The following PRR16 variants were observed in gnomAD, a reference collection of about 807,000 sequenced individuals.
PRR16 encodes protein Largen.
PRR16 carries 6 observed loss-of-function variants against 18.2 expected under a neutral mutation model. That is an observed-to-expected ratio of 0.33 (90% CI 0.18 to 0.65). PRR16 has a LOEUF of 0.65. PRR16 is among the 30% of genes least tolerant of loss of function. The pLI is 0.74. For missense variants in PRR16, 412 were observed against 376.6 expected (o/e 1.09, Z -0.78); for synonymous variants, 151 against 147.8 (o/e 1.02, Z -0.16).
chr5:120,539,417 G>A (rs1460642800), intron 1 of PRR16, among the ~76,000 whole-genome samples: 1 of 151,688 alleles, frequency 6.6e-6, no homozygotes, highest in Non-Finnish European at 1.5e-5. Flanking sequence ...TTTTAATATA[G>A]ATTTTATTCT....
intron 1 of PRR16, among the ~76,000 whole-genome samples, chr5:120,532,645 G>A (rs969791615): frequency 6.6e-6 from 1 of 151,826 alleles, no homozygotes; most frequent in Non-Finnish European, 1.5e-5. Flanking sequence ...TTGCACTGAA[G>A]GATCTTAGAA....
rs1757137463 is a variant in PRR16, at chr5:120,686,645, C to T, written c.851C>T (p.Pro284Leu). Residue 284 changes from proline (P) to leucine (L), a missense_variant, in exon 2 of 2, where the codon CCT becomes CTT. Physicochemically the swap from Pro to Leu is moderately conservative, Grantham distance 98. Transcript: ENST00000407149. Reference sequence around the variant, plus strand: ...CCCCCTATCAGACCTGCAACTGTGCCTCCTCCCACTGCACCAAAACCACAG... The same window carrying T: ...CCCCCTATCAGACCTGCAACTGTGCTTCCTCCCACTGCACCAAAACCACAG... Reference protein sequence around the residue: ...SFPPIRPATVPPPTAPKPQKT... With the variant: ...SFPPIRPATVLPPTAPKPQKT... 3.8e-6 allele frequency: 6 copies of T among 1,596,112 alleles called. No homozygotes were observed. Among genetic ancestry groups the T allele is most frequent in the Non-Finnish European group, 5.1e-6 (6 of 1,169,704 alleles).
chr5:120,541,615 C>T (rs566406559), intron 1 of PRR16, among the ~76,000 whole-genome samples: 4 of 152,252 alleles, frequency 2.6e-5, no homozygotes, highest in African/African-American at 4.8e-5. Flanking sequence ...ACAGCAGATT[C>T]GGGCTTTAAA....
intron 1 of PRR16, among the ~76,000 whole-genome samples, chr5:120,677,905 CTTTTT>C (rs386404833): frequency 3.2e-4 from 30 of 93,218 alleles, no homozygotes; most frequent in Admixed American, 2.7e-3. Flanking sequence ...CTTTTTCTTT[CTTTTT>C]TTTTTTTTTT....
At chr5:120,671,178 C>T (rs1204492580) in intron 1 of PRR16, among the ~76,000 whole-genome samples, 2 of 152,094 alleles carry the variant, frequency 1.3e-5, no homozygotes, top group African/African-American at 2.4e-5. Context: ...CTAGAACTCT[C>T]ATTTAATTTT....
chr5:120,685,124 G>A (rs1044770566), intron 1 of PRR16, among the ~76,000 whole-genome samples: 1 of 152,168 alleles, frequency 6.6e-6, no homozygotes, highest in African/African-American at 2.4e-5. Flanking sequence ...ACAGGTTGGA[G>A]GGTTTCTTGC....
At chr5:120,581,847 G>C (rs540027362) in intron 1 of PRR16, among the ~76,000 whole-genome samples, 1 of 152,166 alleles carries the variant, frequency 6.6e-6, no homozygotes, top group South Asian at 2.1e-4. Flanking sequence ...TCTTAATCTT[G>C]AGTTCTAATA....
chr5:120,642,519 A>T (rs867819531), intron 1 of PRR16, among the ~76,000 whole-genome samples: 3 of 152,176 alleles, frequency 2.0e-5, no homozygotes, highest in Admixed American at 6.6e-5. Context: ...TGTATAAAAA[A>T]ATGTATAAAC....
the PRR16 span, among the ~76,000 whole-genome samples, chr5:120,750,938 A>G: frequency 1.1e-4 from 16 of 151,548 alleles, 1 homozygote; most frequent in Admixed American, 1.1e-3. Context: ...TTTATCCCCT[A>G]CTCCCTACCA....
the PRR16 span, among the ~76,000 whole-genome samples, chr5:120,707,651 T>C: frequency 9.8e-5 from 15 of 152,316 alleles, no homozygotes; most frequent in Middle Eastern, 3.4e-3. Flanking sequence ...ATTTATGACA[T>C]AGCTCTAGGA....
chr5:120,665,417 C>A (rs1022618162), intron 1 of PRR16, among the ~76,000 whole-genome samples: 1 of 151,866 alleles, frequency 6.6e-6, no homozygotes, highest in African/African-American at 2.4e-5. Context: ...TGCCTGTTCA[C>A]TCTGATGGTA....
At chr5:120,671,912 A>G (rs1452826627) in intron 1 of PRR16, among the ~76,000 whole-genome samples, 1 of 152,208 alleles carries the variant, frequency 6.6e-6, no homozygotes, top group Admixed American at 6.5e-5. Context: ...CAAGCACAAA[A>G]TGTAAGCAAT....
chr5:120,712,703 T>G, the PRR16 span, among the ~76,000 whole-genome samples: 1 of 152,132 alleles, frequency 6.6e-6, no homozygotes, highest in Non-Finnish European at 1.5e-5. Flanking sequence ...AAAACAGATA[T>G]ATGAAAAGGT....
At chr5:120,737,320 T>C in the PRR16 span, among the ~76,000 whole-genome samples, 1 of 117,098 alleles carries the variant, frequency 8.5e-6, no homozygotes, top group Admixed American at 8.2e-5. Context: ...TTTTTTTTTT[T>C]TTTTTTTTTT....
intron 1 of PRR16, among the ~76,000 whole-genome samples, chr5:120,666,592 G>T (rs1402094095): frequency 6.6e-6 from 1 of 152,002 alleles, no homozygotes; most frequent in East Asian, 1.9e-4. Flanking sequence ...ATTGGCTGTG[G>T]GTTTGTCATA....
the PRR16 span, among the ~76,000 whole-genome samples, chr5:120,750,694 A>G: frequency 6.6e-6 from 1 of 152,220 alleles, no homozygotes; most frequent in South Asian, 2.1e-4. Flanking sequence ...ATACATACAT[A>G]TGTGCATATT....
the PRR16 span, among the ~76,000 whole-genome samples, chr5:120,788,742 C>T: frequency 2.6e-5 from 4 of 152,098 alleles, no homozygotes; most frequent in Non-Finnish European, 5.9e-5. Flanking sequence ...CTTTATCTTT[C>T]ATGAACACCT....
At chr5:120,565,689 T>C (rs1752714216) in intron 1 of PRR16, among the ~76,000 whole-genome samples, 2 of 152,232 alleles carry the variant, frequency 1.3e-5, no homozygotes, top group Admixed American at 1.3e-4. Context: ...AAAAGACTTA[T>C]AGGATGTAAG....
chr5:120,488,739 T>C (rs866742955), intron 1 of PRR16, among the ~76,000 whole-genome samples: 16 of 152,334 alleles, frequency 1.1e-4, no homozygotes, highest in Middle Eastern at 6.8e-3. Context: ...AATTGTGATG[T>C]TAGGGTGTCA....
Sources: allele counts gnomAD v4.1 joint callset (sites outside exome capture counted in the v4.1 genomes callset), GRCh38; gene constraint gnomAD v4.1.1; transcripts MANE v1.5; gene names NCBI Gene and HGNC (gene_info 2026-07-23, HGNC 2026-07-21).